Variants in RTN1 observed in about 807,000 individuals in gnomAD.
The protein encoded by RTN1 is reticulon 1.
A neutral mutation model predicts 65.5 loss-of-function variants in RTN1; 25 were observed. The observed-to-expected ratio is 0.38, with a 90% confidence interval of 0.28 to 0.53. The LOEUF is 0.53. Ranked by LOEUF, RTN1 falls within the 20% of genes least tolerant of loss-of-function variation. The probability of loss-of-function intolerance (pLI) is 0.79; values close to 1 mark genes in which losing one functional copy is unlikely to be tolerated. For synonymous variants in RTN1, 471 were observed against 447.6 expected, an observed-to-expected ratio of 1.05 and a Z score of -0.66; for missense variants, 983 against 1,025.4, an observed-to-expected ratio of 0.96 and a Z score of 0.57.
chr14:59,781,571 C>A (rs986872798), intron 1 of RTN1, among the ~76,000 whole-genome samples: 1 of 152,076 alleles, frequency 6.6e-6, no homozygotes, highest in African/African-American at 2.4e-5. Context: ...ATGGTTCACA[C>A]CACTTGTCAT....
In RTN1 at chr14:59,836,344, T is replaced by C. The variant is rs970113007; in HGVS notation, c.241+34046A>G. 4.6e-5 allele frequency among the ~76,000 whole-genome samples: 7 copies of C among 152,228 alleles called. No individual in the cohort carries two copies. The highest frequency in any genetic ancestry group is 1.7e-4 in the African/African-American group (7 of 41,458). ...TTACACGCATCATCCCACTGAATCA[T>C]TCTGACAATCCTATGAGGTTGGTCC... On this transcript the variant is annotated intron_variant, in intron 1 of 8. Transcript: ENST00000267484. This position sits in a 1 kb window ranked among gnomAD's most constrained non-coding sequence, Gnocchi z 4.9.
chr14:59,725,127 T>C (rs1282985261), intron 3 of RTN1, among the ~76,000 whole-genome samples: 1 of 152,186 alleles, frequency 6.6e-6, no homozygotes, highest in African/African-American at 2.4e-5. Context: ...TAAAAGATAC[T>C]CTGAAGCCTT....
At chr14:59,713,803 G>T (rs1884474147) in intron 3 of RTN1, among the ~76,000 whole-genome samples, 1 of 152,138 alleles carries the variant, frequency 6.6e-6, no homozygotes, top group African/African-American at 2.4e-5. Flanking sequence ...CTTGAAGACA[G>T]AACTGTCTTT....
intron 1 of RTN1, among the ~76,000 whole-genome samples, chr14:59,835,441 G>T (rs1594761030): frequency 6.6e-6 from 1 of 152,110 alleles, no homozygotes; most frequent in East Asian, 1.9e-4. Flanking sequence ...CTTTAAATTT[G>T]TGTAGTTTAT....
At chr14:59,773,256 G>A (rs1030362470) in intron 1 of RTN1, among the ~76,000 whole-genome samples, 5 of 151,828 alleles carry the variant, frequency 3.3e-5, no homozygotes, top group South Asian at 4.1e-4. Flanking sequence ...AAGTATTACC[G>A]TGCCCAGTTA....
In RTN1 at chr14:59,745,698, G is replaced by C. The variant is rs1254565277; in HGVS notation, c.1015+10C>G. 1 of 1,561,984 alleles carries C rather than the reference G, an allele frequency of 6.4e-7. No homozygotes were observed. The highest frequency in any genetic ancestry group is 2.1e-5 in the Admixed American group (1 of 48,582). On this transcript the variant is annotated intron_variant, in intron 2 of 8. Coordinates refer to ENST00000267484, the MANE Select transcript of RTN1 (RefSeq NM_021136.3). ...GGTTTTCCTAAGTCAAGCAATAACA[G>C]GGCCTTTACCTGTTCCAGAAGATGG...
At chr14:59,707,275 G>T (rs1884315502) in intron 3 of RTN1, among the ~76,000 whole-genome samples, 1 of 152,158 alleles carries the variant, frequency 6.6e-6, no homozygotes, top group African/African-American at 2.4e-5. Context: ...AGGGTTAGAG[G>T]GCACATTTGT....
At chr14:59,810,204 TG>T (rs1447827451) in intron 1 of RTN1, among the ~76,000 whole-genome samples, 1 of 152,156 alleles carries the variant, frequency 6.6e-6, no homozygotes, top group African/African-American at 2.4e-5. Context: ...AAGGCAGGTT[TG>T]TTTCCCAATC....
intron 1 of RTN1, among the ~76,000 whole-genome samples, chr14:59,827,967 G>A (rs540139175): frequency 6.6e-6 from 1 of 152,326 alleles, no homozygotes; most frequent in East Asian, 1.9e-4. Context: ...AAGAGGACAA[G>A]CAGAATGTTT....
chr14:59,800,929 C>A, intron 1 of RTN1, among the ~76,000 whole-genome samples: 1 of 151,130 alleles, frequency 6.6e-6, no homozygotes. Context: ...AATGTAAATG[C>A]TGGAAATAAA....
chr14:59,675,789 CA>C (rs1489264357), intron 3 of RTN1, among the ~76,000 whole-genome samples: 2 of 151,992 alleles, frequency 1.3e-5, no homozygotes, highest in African/African-American at 4.8e-5. Flanking sequence ...TATCCATTTT[CA>C]CTTGAATTTT....
chr14:59,733,049 C>A (rs964378167), intron 2 of RTN1, among the ~76,000 whole-genome samples: 2 of 150,224 alleles, frequency 1.3e-5, no homozygotes, highest in Non-Finnish European at 3.0e-5. Flanking sequence ...TAGCACAACA[C>A]AGGGGCTTTG....
intron 3 of RTN1, among the ~76,000 whole-genome samples, chr14:59,713,314 T>C (rs2139459492): frequency 6.6e-6 from 1 of 152,332 alleles, no homozygotes; most frequent in East Asian, 1.9e-4. Flanking sequence ...GAGCAGCTGC[T>C]GTGATTCTAG....
chr14:59,632,376 T>C (rs1485564803), intron 3 of RTN1, among the ~76,000 whole-genome samples: 3 of 152,184 alleles, frequency 2.0e-5, no homozygotes, highest in Non-Finnish European at 4.4e-5. Context: ...GTCAGTTAAA[T>C]ACTGAAAAGA....
Position 59,774,716 on chromosome 14 carries a change from C to A in RTN1, c.242-28235G>T, listed in dbSNP as rs1254287461. The stretch of plus-strand genomic sequence containing the variant: ...ATTAACAGTGTGGATAAATCTAGTC[C>A]CAATAAGTCACCACTACTACAGTTG... On this transcript the variant is annotated intron_variant, in intron 1 of 8. Coordinates refer to ENST00000267484, the MANE Select transcript of RTN1 (RefSeq NM_021136.3). The surrounding 1 kb of genome is among the most constrained non-coding windows in gnomAD (Gnocchi z 5.1). Among the ~76,000 whole-genome samples the A allele has an allele frequency of 6.6e-6, 1 of 151,898 alleles. No homozygotes were observed. The highest frequency in any genetic ancestry group is 1.5e-5 in the Non-Finnish European group (1 of 67,994).
intron 1 of RTN1, among the ~76,000 whole-genome samples, chr14:59,761,828 T>A (rs1417117096): frequency 6.6e-6 from 1 of 152,188 alleles, no homozygotes; most frequent in Non-Finnish European, 1.5e-5. Context: ...GAGGCCTGCA[T>A]CCTCTGCTGA....
chr14:59,723,392 G>A (rs1266857553), intron 3 of RTN1, among the ~76,000 whole-genome samples: 2 of 151,758 alleles, frequency 1.3e-5, no homozygotes, highest in African/African-American at 4.8e-5. Context: ...GGATCACAAG[G>A]TCAGGAGATC....
chr14:59,787,982 A>T (rs1281086461), intron 1 of RTN1, among the ~76,000 whole-genome samples: 1 of 152,168 alleles, frequency 6.6e-6, no homozygotes, highest in Middle Eastern at 3.2e-3. Context: ...ATTGCACTAG[A>T]TGGGATCTTT....
At chr14:59,773,598 AGT>A (rs1324711025) in intron 1 of RTN1, among the ~76,000 whole-genome samples, 1 of 152,166 alleles carries the variant, frequency 6.6e-6, no homozygotes, top group Non-Finnish European at 1.5e-5. Flanking sequence ...AATCAGATGC[AGT>A]CTTTCCATCA....
Sources: gnomAD v4.1 joint callset for allele counts (sites outside exome capture counted in the v4.1 genomes callset) on GRCh38, gnomAD v4.1.1 for gene constraint, Gnocchi (gnomAD v3.1) non-coding constraint, MANE v1.5 for transcripts, NCBI Gene and HGNC (gene_info 2026-07-23, HGNC 2026-07-21) for gene names.